Variants in RAI1 observed in about 807,000 individuals in gnomAD.
RAI1 encodes the protein retinoic acid induced 1, also known as retinoic acid-induced protein 1.
Under a neutral mutation model 123.8 loss-of-function variants are expected in RAI1, and 9 were observed. That is an observed-to-expected ratio of 0.07 (90% confidence interval 0.04 to 0.13). RAI1 has a LOEUF of 0.13. RAI1 is among the 10% of genes least tolerant of loss of function. The probability of loss-of-function intolerance (pLI) is 1.00; values close to 1 mark genes in which losing one functional copy is unlikely to be tolerated. For synonymous variants in RAI1, 1,231 were observed against 1,127.3 expected, an observed-to-expected ratio of 1.09 and a Z score of -1.84; for missense variants, 2,256 against 2,545.8, an observed-to-expected ratio of 0.89 and a Z score of 2.45.
intron 2 of RAI1, among the ~76,000 whole-genome samples, chr17:17,727,963 C>T (rs1179373754): frequency 3.3e-5 from 5 of 152,150 alleles, no homozygotes; most frequent in East Asian, 1.9e-4. Context: ...ACCAACCATC[C>T]GTGTGCCTCT....
At position 17,685,808 on chromosome 17, in the gene RAI1, A is replaced by C. The variant is rs1310827801; in HGVS notation, c.-149+4015A>C. ...GGTGTCCTCTGCCTGCCCTGTCCTC[A>C]TTCAGTCCTGTCCCCTCCAGCCACA... On this transcript the variant is annotated intron_variant, in intron 1 of 5. Transcript: ENST00000353383. The surrounding 1 kb of genome is among the most constrained non-coding windows in gnomAD (Gnocchi z 4.0). Among the ~76,000 whole-genome samples the C allele has an allele frequency of 6.6e-6, 1 of 151,996 alleles. No individual in the cohort carries two copies. The highest frequency in any genetic ancestry group is 2.4e-5 in the African/African-American group (1 of 41,362).
intron 2 of RAI1, among the ~76,000 whole-genome samples, chr17:17,732,748 C>G (rs1304473681): frequency 6.6e-6 from 1 of 152,196 alleles, no homozygotes; most frequent in East Asian, 1.9e-4. Flanking sequence ...GTTAAACCTG[C>G]TTCGTGCAGT....
At chr17:17,771,293 G>A (rs1048887126) in intron 2 of RAI1, among the ~76,000 whole-genome samples, 3 of 152,166 alleles carry the variant, frequency 2.0e-5, no homozygotes, top group Non-Finnish European at 2.9e-5. Context: ...CATCAAATTC[G>A]TTCACTCATT....
intron 2 of RAI1, among the ~76,000 whole-genome samples, chr17:17,739,162 C>T (rs1243886794): frequency 6.6e-6 from 1 of 152,170 alleles, no homozygotes; most frequent in East Asian, 1.9e-4. Context: ...GGGGCAGCCA[C>T]GTGCCCAGTA....
At chr17:17,735,410 G>A (rs1916401106) in intron 2 of RAI1, among the ~76,000 whole-genome samples, 1 of 143,114 alleles carries the variant, frequency 7.0e-6, no homozygotes, top group African/African-American at 2.6e-5. Flanking sequence ...CTGGAGTGCA[G>A]TGGCGCGATC....
At chr17:17,766,283 G>A (rs936488578) in intron 2 of RAI1, 5 of 152,208 alleles carry the variant, frequency 3.3e-5, no homozygotes, top group Non-Finnish European at 5.9e-5. Flanking sequence ...GGGGGTGTCT[G>A]GGAAGCCGAG....
intron 2 of RAI1, among the ~76,000 whole-genome samples, chr17:17,735,754 G>A (rs763154624): frequency 2.0e-5 from 3 of 152,226 alleles, no homozygotes; most frequent in Non-Finnish European, 4.4e-5. Context: ...AGGTGTGCAA[G>A]CAGATGCCCA....
intron 1 of RAI1, among the ~76,000 whole-genome samples, chr17:17,686,631 A>C (rs1439498114): frequency 7.9e-6 from 1 of 127,348 alleles, no homozygotes; most frequent in Non-Finnish European, 1.7e-5. Context: ...CGGGGAGGGG[A>C]GAGATGGGGA....
chr17:17,701,551 C>T, intron 1 of RAI1, among the ~76,000 whole-genome samples: 1 of 151,976 alleles, frequency 6.6e-6, no homozygotes, highest in East Asian at 1.9e-4. Context: ...TAGATGGTCC[C>T]CTTTCCCTCC....
chr17:17,776,461 C>T (rs2031345885), intron 2 of RAI1, among the ~76,000 whole-genome samples: 1 of 152,076 alleles, frequency 6.6e-6, no homozygotes, highest in African/African-American at 2.4e-5. Flanking sequence ...GCCTCCACCT[C>T]CTGAGTTCCA....
chr17:17,700,455 C>T (rs1467367265), intron 1 of RAI1, among the ~76,000 whole-genome samples: 1 of 151,896 alleles, frequency 6.6e-6, no homozygotes, highest in Non-Finnish European at 1.5e-5. Context: ...GCGGGGGTGG[C>T]CGCCATCAAA....
chr17:17,773,724 T>C (rs150978530), intron 2 of RAI1, among the ~76,000 whole-genome samples: 2,119 of 152,152 alleles, frequency 0.014, 45 homozygotes, highest in African/African-American at 0.048. Flanking sequence ...TCTCAACACC[T>C]GAAAGAGCAG....
At chr17:17,775,783 C>T (rs1567893834) in intron 2 of RAI1, among the ~76,000 whole-genome samples, 1 of 152,072 alleles carries the variant, frequency 6.6e-6, no homozygotes, top group Non-Finnish European at 1.5e-5. Flanking sequence ...GGCAGGCACA[C>T]TCGGTGTAAC....
chr17:17,691,636 T>G (rs1342930280), intron 1 of RAI1, among the ~76,000 whole-genome samples: 2 of 152,092 alleles, frequency 1.3e-5, no homozygotes, highest in Non-Finnish European at 2.9e-5. Context: ...GCACCTGGTG[T>G]GTGCCCGGGG....
intron 2 of RAI1, among the ~76,000 whole-genome samples, chr17:17,767,515 A>G (rs2030985223): frequency 6.6e-6 from 1 of 152,034 alleles, no homozygotes; most frequent in South Asian, 2.1e-4. Context: ...ATTTCCACCC[A>G]GTTTGTTTAA....
At chr17:17,807,176 G>A (rs964964938) in intron 4 of RAI1, among the ~76,000 whole-genome samples, 5 of 151,390 alleles carry the variant, frequency 3.3e-5, no homozygotes, top group African/African-American at 7.3e-5. Flanking sequence ...AAGTGAGCTC[G>A]AGAGTGAAGG....
Position 17,793,602 on chromosome 17 carries a change from C to A in RAI1, c.654C>A (p.Thr218=), listed in dbSNP as rs148485224. 25 of 1,613,556 alleles carry A rather than the reference C, an allele frequency of 1.5e-5. No individual in the cohort carries two copies. The highest frequency in any genetic ancestry group is 2.1e-5 in the Non-Finnish European group (25 of 1,180,014). The change falls in exon 3 of 6, where the codon ACC becomes ACA. Residue 218 remains threonine (T), a synonymous_variant. Transcript: ENST00000353383. Reference sequence around the variant, plus strand: ...CTCAGCATTCCCAGTCCTTCCCCACCTCCTCCACCTACTCCTCCTCTGTCC... The same window carrying A: ...CTCAGCATTCCCAGTCCTTCCCCACATCCTCCACCTACTCCTCCTCTGTCC... The part of the protein sequence containing the change: ...HFPQHSQSFP[T]SSTYSSSVQG...
chr17:17,741,129 GCA>G (rs1916619663), intron 2 of RAI1, among the ~76,000 whole-genome samples: 1 of 151,616 alleles, frequency 6.6e-6, no homozygotes, highest in African/African-American at 2.4e-5. Context: ...ACGCACACAC[GCA>G]CGCTCACACT....
chr17:17,793,748 A>C lies in RAI1; in HGVS notation c.800A>C (p.His267Pro). ...LAPGQRVQNLHAYQSGRLSYD... is the reference protein window; with the variant it reads ...LAPGQRVQNLPAYQSGRLSYD... ...CCGGGGCAGCGGGTCCAGAATCTTCATGCCTACCAGTCGGGCCGCCTCAGC... is the reference window on the plus strand; with the variant it reads ...CCGGGGCAGCGGGTCCAGAATCTTCCTGCCTACCAGTCGGGCCGCCTCAGC... The change falls in exon 3 of 6, where the codon CAT becomes CCT. Residue 267 changes from histidine to proline, a missense_variant. By Grantham distance (77) the His-to-Pro change is moderately conservative (BLOSUM62 -2). Coordinates refer to ENST00000353383, the MANE Select transcript of RAI1 (RefSeq NM_030665.4). The C allele has an allele frequency of 6.2e-7, 1 of 1,612,554 alleles. No individual in the cohort carries two copies. The highest frequency in any genetic ancestry group is 1.1e-5 in the South Asian group (1 of 91,060).
Sources: allele counts gnomAD v4.1 joint callset (sites outside exome capture counted in the v4.1 genomes callset), GRCh38; gene constraint gnomAD v4.1.1; non-coding constraint Gnocchi (gnomAD v3.1); transcripts MANE v1.5; gene names NCBI Gene and HGNC (gene_info 2026-07-23, HGNC 2026-07-21).